The following ARID3B variants were observed in gnomAD, a reference collection of about 807,000 sequenced individuals.
ARID3B encodes AT-rich interaction domain 3B, also known as AT-rich interactive domain-containing protein 3B.
Under a neutral mutation model 51.9 loss-of-function variants are expected in ARID3B, and 10 were observed. That is an observed-to-expected ratio of 0.19 (90% CI 0.12 to 0.33). The LOEUF (loss-of-function observed/expected upper bound fraction) is 0.33, where lower values mean the gene tolerates loss of function less well. Among genes scored for constraint, ARID3B ranks in the 10% least tolerant of loss-of-function variants. The pLI, the probability that ARID3B is intolerant of heterozygous loss-of-function variation, is 1.00. For synonymous variants in ARID3B, 205 were observed against 279.5 expected, an observed-to-expected ratio of 0.73 and a Z score of 2.66; for missense variants, 483 against 716.3, an observed-to-expected ratio of 0.67 and a Z score of 3.72.
At chr15:74,557,972 C>T (rs933499147) in intron 2 of ARID3B, among the ~76,000 whole-genome samples, 1 of 151,814 alleles carries the variant, frequency 6.6e-6, no homozygotes, top group African/African-American at 2.4e-5. Flanking sequence ...CAGGCGCCCG[C>T]CACCACGCCT....
In ARID3B at chr15:74,593,003, C is replaced by T. The variant is rs1159610569; in HGVS notation, c.1421-135C>T. 4.5e-6 allele frequency: 3 copies of T among 668,254 alleles called. No individual in the cohort carries two copies. The East Asian group carries it at 8.5e-5, about 19-fold the overall frequency. 41.4% of individuals were successfully genotyped at this position (668,254 alleles called of 1,614,324 possible). A position where few individuals can be genotyped will look rare whatever the true frequency, so the allele number is the denominator to read the frequency against. ...GCCTGGGATCTCCTGCCATACCCTA[C>T]ACTCAGGAGAAGGTTACATAGATGC... is the stretch of plus-strand genomic sequence containing the variant. On this transcript the variant is annotated intron_variant, in intron 7 of 8. Transcript: ENST00000346246.
At position 74,562,977 on chromosome 15, in the gene ARID3B, G is replaced by A. The variant is rs117400832; in HGVS notation, c.553-9885G>A. ...TCTAGACCCCTTTTCTAGAGTTGTCGTTTAGAACTAGCAGCCCACCTTCTT... is the reference window on the plus strand; with the variant it reads ...TCTAGACCCCTTTTCTAGAGTTGTCATTTAGAACTAGCAGCCCACCTTCTT... On this transcript the variant is annotated intron_variant, in intron 2 of 8. Transcript: ENST00000346246. Among the ~76,000 whole-genome samples, 527 of 152,258 alleles carry A rather than the reference G, an allele frequency of 3.5e-3. 1 individual carries two copies. Among genetic ancestry groups the A allele is most frequent in the Middle Eastern group, 0.01 (3 of 294 alleles).
chr15:74,590,721 C>T (rs1288958494), intron 5 of ARID3B, among the ~76,000 whole-genome samples: 3 of 152,182 alleles, frequency 2.0e-5, no homozygotes, highest in African/African-American at 7.2e-5. Context: ...TAGAGAACTG[C>T]TTCTTGGGAC....
intron 2 of ARID3B, among the ~76,000 whole-genome samples, chr15:74,561,064 T>C (rs952772422): frequency 2.6e-5 from 4 of 152,174 alleles, no homozygotes; most frequent in Non-Finnish European, 4.4e-5. Flanking sequence ...GGATTATAGG[T>C]GTGACCCACC....
At chr15:74,573,925 T>C (rs925302244) in intron 4 of ARID3B, 1 of 152,218 alleles carries the variant, frequency 6.6e-6, no homozygotes, top group African/African-American at 2.4e-5. Flanking sequence ...TATTTCTTTT[T>C]TCAGTAGAGT....
intron 2 of ARID3B, among the ~76,000 whole-genome samples, chr15:74,565,358 C>A (rs1193708363): frequency 6.6e-6 from 1 of 152,110 alleles, no homozygotes; most frequent in Non-Finnish European, 1.5e-5. Context: ...TGTTCTGTGT[C>A]TTCAGAGAAC....
In ARID3B at chr15:74,591,665, T is replaced by G. The variant is rs555824373; in HGVS notation, c.1271T>G (p.Leu424Arg). ...AGTRTAALEQ[L>R]RERLESGEPA... ...ACTCGGACCGCCGCACTGGAGCAGC[T>G]GCGGGAGCGGCTGGAGTCAGGGGAG... is the stretch of plus-strand genomic sequence containing the variant. The change falls in exon 7 of 9, where the codon CTG (leucine) becomes CGG (arginine). Residue 424 changes from leucine (L) to arginine (R), a missense_variant. Leu to Arg is a moderately radical substitution (Grantham distance 102, BLOSUM62 -2). Around this residue, in one of 3 missense-constraint regions of ARID3B, gnomAD observed 265 missense variants for 354.4 expected, o/e 0.75. Transcript: ENST00000346246. This position sits in a 1 kb window ranked among gnomAD's most constrained non-coding sequence, Gnocchi z 5.8. 81 of 1,609,210 alleles carry G rather than the reference T, an allele frequency of 5.0e-5. No individual in the cohort carries two copies. In the East Asian group the frequency reaches 1.7e-3, roughly 34 times the overall value.
In ARID3B at chr15:74,565,035, T is replaced by A. The variant is rs190438119; in HGVS notation, c.553-7827T>A. ...ATTACTGTTCTGTGTCTTTTTTTTTTAAATTAATTATTATTTTTTATTTTT... is the reference window on the plus strand; with the variant it reads ...ATTACTGTTCTGTGTCTTTTTTTTTAAAATTAATTATTATTTTTTATTTTT... On this transcript the variant is annotated intron_variant, in intron 2 of 8. Coordinates refer to ENST00000346246, the MANE Select transcript of ARID3B (RefSeq NM_006465.4). Among the ~76,000 whole-genome samples the A allele has an allele frequency of 2.1e-3, 325 of 151,982 alleles. 2 individuals are homozygous for A. The highest frequency in any genetic ancestry group is 1.7e-3 in the Non-Finnish European group (115 of 67,960).
At chr15:74,594,454 A>G (rs1261085467) in intron 8 of ARID3B, among the ~76,000 whole-genome samples, 2 of 152,204 alleles carry the variant, frequency 1.3e-5, no homozygotes, top group Non-Finnish European at 2.9e-5. Flanking sequence ...TCTCAAAAAA[A>G]AAAAGCACAG....
At chr15:74,543,123 C>A (rs943454231) in intron 1 of ARID3B, among the ~76,000 whole-genome samples, 1 of 152,198 alleles carries the variant, frequency 6.6e-6, no homozygotes, top group South Asian at 2.1e-4. Flanking sequence ...CAGAGGAATT[C>A]CCCCGTTTGC....
chr15:74,566,179 G>A (rs1180534465), intron 2 of ARID3B, among the ~76,000 whole-genome samples: 1 of 152,060 alleles, frequency 6.6e-6, no homozygotes, highest in East Asian at 1.9e-4. Context: ...TACCCCCAGT[G>A]CAGGCTTTCC....
Position 74,591,513 on chromosome 15 carries a change from G to A in ARID3B, c.1166-47G>A. The A allele has an allele frequency of 1.3e-6, 2 of 1,595,720 alleles. No homozygotes were observed. The highest frequency in any genetic ancestry group is 4.5e-5 in the East Asian group (2 of 44,500). ...CCTGTGTTCAAGACTGGGGTTTTGGGGCAAGAGGGTCAATTGTGGATTGGT... is the reference window on the plus strand; with the variant it reads ...CCTGTGTTCAAGACTGGGGTTTTGGAGCAAGAGGGTCAATTGTGGATTGGT... On this transcript the variant is annotated intron_variant, in intron 6 of 8. Coordinates refer to ENST00000346246, the MANE Select transcript of ARID3B (RefSeq NM_006465.4). The surrounding 1 kb of genome is among the most constrained non-coding windows in gnomAD (Gnocchi z 5.8).
intron 4 of ARID3B, among the ~76,000 whole-genome samples, chr15:74,579,094 G>A (rs919888576): frequency 6.6e-6 from 1 of 152,200 alleles, no homozygotes; most frequent in African/African-American, 2.4e-5. Flanking sequence ...AGGCCGCCCC[G>A]AATGACCGCA....
intron 4 of ARID3B, chr15:74,573,440 T>C: frequency 1.8e-6 from 1 of 554,000 alleles, no homozygotes; most frequent in East Asian, 3.0e-5. Context: ...TGCCTGATTT[T>C]GTCTCTTCTT....
At chr15:74,555,878 G>A (rs900404637) in intron 2 of ARID3B, among the ~76,000 whole-genome samples, 2 of 131,300 alleles carry the variant, frequency 1.5e-5, no homozygotes, top group African/African-American at 2.9e-5. Context: ...TGCAAGCTCC[G>A]CCTCCCAGGT....
chr15:74,552,823 T>A (rs1277943617), intron 2 of ARID3B, among the ~76,000 whole-genome samples: 1 of 152,222 alleles, frequency 6.6e-6, no homozygotes, highest in East Asian at 1.9e-4. Flanking sequence ...CCACAGTTTA[T>A]CCATTCACCT....
chr15:74,548,257 T>G (rs746390798), intron 2 of ARID3B, among the ~76,000 whole-genome samples: 3 of 152,102 alleles, frequency 2.0e-5, no homozygotes, highest in African/African-American at 7.2e-5. Context: ...AGAAGGTGGT[T>G]CAAGCAGTAC....
At chr15:74,585,816 A>C (rs1017436353) in intron 4 of ARID3B, among the ~76,000 whole-genome samples, 1 of 152,208 alleles carries the variant, frequency 6.6e-6, no homozygotes, top group Non-Finnish European at 1.5e-5. Context: ...CACAAAGCAA[A>C]CTGCTGAGAC....
At chr15:74,568,069 C>T (rs2061706118) in intron 2 of ARID3B, among the ~76,000 whole-genome samples, 1 of 152,152 alleles carries the variant, frequency 6.6e-6, no homozygotes, top group Non-Finnish European at 1.5e-5. Flanking sequence ...AAGATGGGCC[C>T]ATTCTACTGG....
Sources: gnomAD v4.1 joint callset for allele counts (sites outside exome capture counted in the v4.1 genomes callset) on GRCh38, gnomAD v4.1.1 for gene constraint, gnomAD v4.1.1 regional missense constraint, Gnocchi (gnomAD v3.1) non-coding constraint, MANE v1.5 for transcripts, NCBI Gene and HGNC (gene_info 2026-07-23, HGNC 2026-07-21) for gene names.